The following DGKE variants were observed in gnomAD, a reference collection of about 807,000 sequenced individuals.
DGKE encodes the protein DAG kinase epsilon.
In DGKE, 53 loss-of-function variants were observed where a neutral mutation model predicts 70.0. That is an observed-to-expected ratio of 0.76 (90% CI 0.61 to 0.95). DGKE has a LOEUF of 0.95. Ranked by LOEUF, DGKE falls within the 40% of genes least tolerant of loss-of-function variation. The pLI is 0.00. For synonymous variants in DGKE, 291 were observed against 257.0 expected (o/e 1.13, Z -1.27); for missense variants, 655 against 706.9 (o/e 0.93, Z 0.83).
chr17:56,862,601 C>T lies in DGKE; in HGVS notation c.1525-11C>T. 1 of 1,510,586 alleles carries T rather than the reference C, an allele frequency of 6.6e-7. No individual in the cohort carries two copies. Among genetic ancestry groups the T allele is most frequent in the East Asian group, 2.4e-5 (1 of 42,290 alleles). The allele number at this position is 1,510,586 out of a possible 1,614,324, so 93.6% of individuals were successfully genotyped here. On this transcript the variant is annotated splice_polypyrimidine_tract_variant and intron_variant, in intron 11 of 11. Coordinates refer to ENST00000284061, the MANE Select transcript of DGKE (RefSeq NM_003647.3). ...ACTGACTTTTAAACATTATTTGTTC[C>T]CTAATATCAGCTGATTTTGAAGTGC...
chr17:56,844,081 A>G lies in DGKE; in HGVS notation c.527A>G (p.Lys176Arg). 6.3e-7 allele frequency: 1 copy of G among 1,582,992 alleles called. No homozygotes were observed. The highest frequency in any genetic ancestry group is 8.6e-7 in the Non-Finnish European group (1 of 1,168,856). The change falls in exon 3 of 12, where the codon AAA (lysine) becomes AGA (arginine). Residue 176 changes from lysine to arginine, a missense_variant. Physicochemically the swap from Lys to Arg is conservative, Grantham distance 26. Transcript: ENST00000284061. Reference protein sequence around the residue: ...ECMKNSLKNEKCDFGEFKNLI... With the variant: ...ECMKNSLKNERCDFGEFKNLI... ...ATGAAAAATAGTTTAAAGAATGAAA[A>G]ATGTGATTTTGGAGAATTCAAAAAC...
chr17:56,862,451 A>C (rs1908353191), intron 11 of DGKE, 161 bp from the exon 12 acceptor site: 1 of 915,534 alleles, frequency 1.1e-6, no homozygotes. Context: ...CGTTCACTTG[A>C]AAAAAGAATT....
intron 2 of DGKE, among the ~76,000 whole-genome samples, chr17:56,841,224 CCTAGGCGACAGAGTGATACT>C (rs1357678344): frequency 6.9e-6 from 1 of 144,922 alleles, no homozygotes; most frequent in Non-Finnish European, 1.5e-5. Context: ...GCACTCCAAG[CCTAGGCGACAGAGTGATACT>C]CTGTCTCAAA....
Position 56,866,572 on chromosome 17 carries a change from T to A in DGKE, c.*3781T>A, listed in dbSNP as rs1567827896. 6.6e-6 allele frequency: 1 copy of A among 152,260 alleles called. No homozygotes were observed. The highest frequency in any genetic ancestry group is 1.5e-5 in the Non-Finnish European group (1 of 68,046). 9.4% of individuals were successfully genotyped at this position (152,260 alleles called of 1,614,324 possible). A position where few individuals can be genotyped will look rare whatever the true frequency, so the allele number is the denominator to read the frequency against. On this transcript the variant is annotated 3_prime_UTR_variant, in exon 12 of 12. Coordinates refer to ENST00000284061, the MANE Select transcript of DGKE (RefSeq NM_003647.3). ...AAAACTTATTTGTATCATACCCAAA[T>A]TGATATATTTGTCTGAACTCTGTTA...
Position 56,848,681 on chromosome 17 carries a change from T to C in DGKE, c.889-15T>C, listed in dbSNP as rs372069856. The C allele has an allele frequency of 5.5e-5, 89 of 1,609,164 alleles. No individual in the cohort carries two copies. The highest frequency in any genetic ancestry group is 1.6e-4 in the Middle Eastern group (1 of 6,064). On this transcript the variant is annotated splice_polypyrimidine_tract_variant and intron_variant, in intron 5 of 11. Coordinates refer to ENST00000284061, the MANE Select transcript of DGKE (RefSeq NM_003647.3). The stretch of plus-strand genomic sequence containing the variant: ...GTCTGAGAGAAAAATCTAAAACATA[T>C]CTTCCATATTCTAGGGACAAGAAAA...
At chr17:56,845,997 A>G (rs1907263133) in intron 4 of DGKE, 188 bp downstream of exon 4, 2 of 468,850 alleles carry the variant, frequency 4.3e-6, no homozygotes, top group African/African-American at 2.0e-5. Flanking sequence ...CCTCTTTAGA[A>G]GACATCTTGG....
At chr17:56,849,442 G>A (rs1351075878) in intron 7 of DGKE, among the ~76,000 whole-genome samples, 1 of 152,240 alleles carries the variant, frequency 6.6e-6, no homozygotes, top group Non-Finnish European at 1.5e-5. Flanking sequence ...CCCTAGCTGA[G>A]AAGATTCAGA....
At chr17:56,850,677 T>C (rs766502890) in intron 7 of DGKE, among the ~76,000 whole-genome samples, 3 of 152,128 alleles carry the variant, frequency 2.0e-5, no homozygotes, top group Non-Finnish European at 2.9e-5. Flanking sequence ...CTCTAAAAGA[T>C]CTTGTATAGG....
intron 6 of DGKE, 24 bp from the exon 7 acceptor site, chr17:56,849,157 T>G (rs1412089955): frequency 6.3e-7 from 1 of 1,589,202 alleles, no homozygotes; most frequent in Non-Finnish European, 8.6e-7. Context: ...AAACGTGCTG[T>G]TTTTTTTAAC....
chr17:56,868,121 T>C lies in DGKE; in HGVS notation c.*5330T>C, dbSNP rs913360526. On this transcript the variant is annotated 3_prime_UTR_variant, in exon 12 of 12. Transcript: ENST00000284061. ...ACATGGAATGTTGAAAAGGAAGAGC[T>C]GGAAAGCTCAGTTGTTTTCCTTGTT... The C allele has an allele frequency of 5.9e-5, 9 of 152,266 alleles. No homozygotes were observed. The highest frequency in any genetic ancestry group is 2.2e-4 in the African/African-American group (9 of 41,468). 9.4% of individuals were successfully genotyped at this position (152,266 alleles called of 1,614,324 possible).
At chr17:56,835,973 C>T (rs1241194180) in intron 2 of DGKE, 7 of 152,236 alleles carry the variant, frequency 4.6e-5, no homozygotes, top group Admixed American at 4.6e-4. Flanking sequence ...TGCTGCTTTG[C>T]AAATGATCTA....
chr17:56,859,121 C>T (rs1489816426), intron 9 of DGKE, among the ~76,000 whole-genome samples: 1 of 150,706 alleles, frequency 6.6e-6, no homozygotes, highest in South Asian at 2.1e-4. Context: ...TTATTTTTGT[C>T]GGGTATCTCT....
Position 56,835,053 on chromosome 17 carries a change from C to T in DGKE, c.258C>T (p.Phe86=). 1 of 1,613,130 alleles carries T rather than the reference C, an allele frequency of 6.2e-7. No homozygotes were observed. Among genetic ancestry groups the T allele is most frequent in the South Asian group, 1.1e-5 (1 of 91,084 alleles). The change falls in exon 2 of 12, where the codon TTC becomes TTT. Residue 86 remains phenylalanine (F), a synonymous_variant. Coordinates refer to ENST00000284061, the MANE Select transcript of DGKE (RefSeq NM_003647.3). The stretch of plus-strand genomic sequence containing the variant: ...CGCAGCACATTCTGCAGGGCGCCTT[C>T]TGCGACTGCTGCGGGCTCCGCGTGG... ...VCAQHILQGA[F]CDCCGLRVDE... is the part of the protein sequence containing the mutation.
intron 7 of DGKE, among the ~76,000 whole-genome samples, chr17:56,853,967 A>T (rs1434596199): frequency 6.6e-6 from 1 of 151,824 alleles, no homozygotes; most frequent in African/African-American, 2.4e-5. Context: ...ACACAATGGA[A>T]AACTATTCAG....
intron 9 of DGKE, among the ~76,000 whole-genome samples, chr17:56,860,306 G>A (rs8074637): frequency 0.71 from 107,944 of 152,060 alleles, 38,716 homozygotes; most frequent in East Asian, 0.91. Context: ...GGGAGGCCAA[G>A]GTGGGAGGAT....
intron 2 of DGKE, among the ~76,000 whole-genome samples, chr17:56,837,558 A>G (rs1340355619): frequency 3.3e-5 from 5 of 152,220 alleles, no homozygotes; most frequent in African/African-American, 4.8e-5. Flanking sequence ...TACATATTCT[A>G]CAGTGTTCTG....
chr17:56,848,610 G>A (rs1310259136), intron 5 of DGKE, 86 bp from the exon 6 acceptor site: 29 of 1,348,592 alleles, frequency 2.2e-5, no homozygotes, highest in Non-Finnish European at 2.9e-5. Flanking sequence ...TATCCTTACT[G>A]TTTTGGTCTT....
At chr17:56,852,715 AC>A (rs1267360965) in intron 7 of DGKE, among the ~76,000 whole-genome samples, 2 of 152,206 alleles carry the variant, frequency 1.3e-5, no homozygotes, top group Admixed American at 6.5e-5. Context: ...TGAAATGCCA[AC>A]ATTAAAGATG....
chr17:56,839,834 T>G (rs1419647499), intron 2 of DGKE, among the ~76,000 whole-genome samples: 79 of 152,324 alleles, frequency 5.2e-4, no homozygotes, highest in Non-Finnish European at 8.8e-5. Context: ...GTAAGCATTT[T>G]AGCTGTACCT....
Sources: allele counts gnomAD v4.1 joint callset (sites outside exome capture counted in the v4.1 genomes callset), GRCh38; gene constraint gnomAD v4.1.1; transcripts MANE v1.5; gene names NCBI Gene and HGNC (gene_info 2026-07-23, HGNC 2026-07-21).